PRKN: variants seen among roughly 807,000 people sequenced by gnomAD.
PRKN encodes E3 ubiquitin-protein ligase parkin.
A neutral mutation model predicts 59.5 loss-of-function variants in PRKN; 56 were observed. That is an observed-to-expected ratio of 0.94 (90% CI 0.76 to 1.18). The LOEUF (loss-of-function observed/expected upper bound fraction) is 1.18. Ranked by LOEUF, PRKN falls within the 50% of genes most tolerant of loss-of-function variation. The pLI, the probability that PRKN is intolerant of heterozygous loss-of-function variation, is 0.00. For missense variants in PRKN, 657 were observed against 596.4 expected (o/e 1.10, Z -1.06); for synonymous variants, 250 against 222.1 (o/e 1.13, Z -1.12).
chr6:162,726,043 T>C (rs1005172454), intron 1 of PRKN, among the ~76,000 whole-genome samples: 3 of 152,226 alleles, frequency 2.0e-5, no homozygotes, highest in African/African-American at 4.8e-5. Context: ...ACTCCAAAGA[T>C]ATTTCTTCCT....
chr6:161,995,406 C>T (rs546670826), intron 5 of PRKN, among the ~76,000 whole-genome samples: 2 of 151,962 alleles, frequency 1.3e-5, no homozygotes, highest in East Asian at 3.9e-4. Context: ...ATAAAAAGTA[C>T]ATAAATGGGA....
At chr6:161,894,086 C>T (rs909484781) in intron 6 of PRKN, among the ~76,000 whole-genome samples, 1 of 152,198 alleles carries the variant, frequency 6.6e-6, no homozygotes, top group East Asian at 1.9e-4. Context: ...TGACCTTCTC[C>T]TGTGTCCTCA....
chr6:162,378,065 A>G (rs1786217591), intron 2 of PRKN, among the ~76,000 whole-genome samples: 1 of 152,200 alleles, frequency 6.6e-6, no homozygotes, highest in African/African-American at 2.4e-5. Flanking sequence ...AGCATGGTCA[A>G]AGGCAATACT....
At chr6:161,570,669 A>C (rs974034869) in intron 7 of PRKN, among the ~76,000 whole-genome samples, 12 of 152,152 alleles carry the variant, frequency 7.9e-5, no homozygotes, top group Non-Finnish European at 1.5e-4. Flanking sequence ...TATAATACAT[A>C]TGACCTATAA....
intron 4 of PRKN, among the ~76,000 whole-genome samples, chr6:162,165,630 G>A (rs189327761): frequency 1.2e-4 from 18 of 149,324 alleles, no homozygotes; most frequent in African/African-American, 3.8e-4. Flanking sequence ...GACAGCATCC[G>A]AGGCGGCGGA....
intron 8 of PRKN, among the ~76,000 whole-genome samples, chr6:161,556,454 A>G (rs1258261894): frequency 6.6e-6 from 1 of 152,212 alleles, no homozygotes; most frequent in Non-Finnish European, 1.5e-5. Context: ...TAGTCATGTA[A>G]TTACATATCA....
intron 1 of PRKN, among the ~76,000 whole-genome samples, chr6:162,681,223 C>A (rs1435114060): frequency 1.3e-5 from 2 of 152,180 alleles, no homozygotes; most frequent in Non-Finnish European, 2.9e-5. Flanking sequence ...AAGAAAAATT[C>A]TTTTGTAGGA....
intron 6 of PRKN, among the ~76,000 whole-genome samples, chr6:161,877,347 C>T (rs895464952): frequency 7.4e-4 from 113 of 152,320 alleles, no homozygotes; most frequent in Middle Eastern, 3.4e-3. Context: ...CACCACTGCC[C>T]TCCATGGCCC....
At chr6:162,429,620 C>G (rs762143318) in intron 2 of PRKN, among the ~76,000 whole-genome samples, 3 of 152,084 alleles carry the variant, frequency 2.0e-5, no homozygotes, top group African/African-American at 4.8e-5. Context: ...CCGCCACCTG[C>G]CCCATTTCGC....
At chr6:162,148,086 T>G in intron 4 of PRKN, among the ~76,000 whole-genome samples, 1 of 152,170 alleles carries the variant, frequency 6.6e-6, no homozygotes, top group East Asian at 1.9e-4. Context: ...TCTGGTAACA[T>G]CACTGCTTAA....
At chr6:162,620,176 A>G (rs1782606009) in intron 1 of PRKN, among the ~76,000 whole-genome samples, 1 of 151,882 alleles carries the variant, frequency 6.6e-6, no homozygotes, top group African/African-American at 2.4e-5. Context: ...TTTGTATTTT[A>G]CTTTTATCTC....
At chr6:161,729,584 T>TA (rs1490535710) in intron 7 of PRKN, among the ~76,000 whole-genome samples, 1 of 152,168 alleles carries the variant, frequency 6.6e-6, no homozygotes, top group Non-Finnish European at 1.5e-5. Context: ...TTAAGCCAGT[T>TA]AAAAAACCCA....
rs368247574 is a variant in PRKN at position 161,575,624 on chromosome 6, T to C, written c.872-6208A>G. Reference sequence around the variant, plus strand: ...TCACAGGAGCAATTGTGATATCCTTTGGGTTCAATGGAAAATCGTGAGCAC... The same window carrying C: ...TCACAGGAGCAATTGTGATATCCTTCGGGTTCAATGGAAAATCGTGAGCAC... On this transcript the variant is annotated intron_variant, in intron 7 of 11. Coordinates refer to ENST00000366898, the MANE Select transcript of PRKN (RefSeq NM_004562.3). This position sits in a 1 kb window ranked among gnomAD's most constrained non-coding sequence, Gnocchi z 4.6. Among the ~76,000 whole-genome samples the C allele has an allele frequency of 2.6e-5, 4 of 152,186 alleles. No individual in the cohort carries two copies. Among genetic ancestry groups the C allele is most frequent in the African/African-American group, 9.6e-5 (4 of 41,454 alleles).
chr6:161,504,987 G>A (rs866657515), intron 9 of PRKN, among the ~76,000 whole-genome samples: 1,662 of 148,584 alleles, frequency 0.011, 30 homozygotes, highest in African/African-American at 0.04. Flanking sequence ...ATAAACATAC[G>A]TGTGCATGTG....
intron 4 of PRKN, among the ~76,000 whole-genome samples, chr6:162,083,623 G>T (rs1372177033): frequency 3.3e-5 from 5 of 151,904 alleles, no homozygotes; most frequent in African/African-American, 1.2e-4. Context: ...GAACTAAACA[G>T]GTCCTCCTGT....
chr6:162,338,294 G>A (rs1041667817), intron 2 of PRKN, among the ~76,000 whole-genome samples: 5 of 152,020 alleles, frequency 3.3e-5, no homozygotes, highest in Admixed American at 2.0e-4. Flanking sequence ...CTCTTTCCAC[G>A]GTCTCCCTCT....
intron 6 of PRKN, among the ~76,000 whole-genome samples, chr6:161,922,905 G>C (rs1289866060): frequency 1.3e-5 from 2 of 152,146 alleles, no homozygotes; most frequent in African/African-American, 4.8e-5. Flanking sequence ...CATAAAAAAT[G>C]CATGTTCTTA....
At chr6:162,241,652 T>C (rs977138050) in intron 3 of PRKN, among the ~76,000 whole-genome samples, 3 of 152,182 alleles carry the variant, frequency 2.0e-5, no homozygotes, top group Non-Finnish European at 2.9e-5. Flanking sequence ...GAGTATAAGC[T>C]ACCCTAAGTT....
chr6:161,479,090 G>A (rs868531026), intron 9 of PRKN, among the ~76,000 whole-genome samples: 2 of 152,102 alleles, frequency 1.3e-5, no homozygotes, highest in African/African-American at 2.4e-5. Flanking sequence ...GAATAACAAC[G>A]CTAAGTGGCT....
Sources: allele counts gnomAD v4.1 joint callset (sites outside exome capture counted in the v4.1 genomes callset), GRCh38; gene constraint gnomAD v4.1.1; non-coding constraint Gnocchi (gnomAD v3.1); transcripts MANE v1.5; gene names NCBI Gene and HGNC (gene_info 2026-07-23, HGNC 2026-07-21).